GPATCH8: variants seen among roughly 807,000 people sequenced by gnomAD.
GPATCH8 encodes the protein G patch domain-containing protein 8.
A neutral mutation model predicts 118.3 loss-of-function variants in GPATCH8; 18 were observed. The observed-to-expected ratio is 0.15, with a 90% CI of 0.11 to 0.23. The LOEUF (loss-of-function observed/expected upper bound fraction) is 0.23, where lower values mean the gene tolerates loss of function less well. Ranked by LOEUF, GPATCH8 falls within the 10% of genes least tolerant of loss-of-function variation. The probability of loss-of-function intolerance (pLI) is 1.00; values close to 1 mark genes in which losing one functional copy is unlikely to be tolerated. For synonymous variants in GPATCH8, 659 were observed against 684.7 expected, an observed-to-expected ratio of 0.96 and a Z score of 0.59; for missense variants, 1,631 against 1,873.8, an observed-to-expected ratio of 0.87 and a Z score of 2.39.
chr17:44,399,875 T>C lies in GPATCH8; in HGVS notation c.2202A>G (p.Glu734=), dbSNP rs775813278. Reference sequence around the variant, plus strand: ...GTGCGGGACTGCCACTCCCAGGGGGTTCTGGTTTGGGTCCTCGTTCAGAAT... The same window carrying C: ...GTGCGGGACTGCCACTCCCAGGGGGCTCTGGTTTGGGTCCTCGTTCAGAAT... ...PADSERGPKP[E]PPGSGSPAPP... Residue 734 remains glutamate (E), a synonymous_variant, in exon 8 of 8, where the codon GAA becomes GAG. Coordinates refer to ENST00000591680, the MANE Select transcript of GPATCH8 (RefSeq NM_001002909.4). 2 of 1,613,566 alleles carry C rather than the reference T, an allele frequency of 1.2e-6. No individual in the cohort carries two copies. Among genetic ancestry groups the C allele is most frequent in the East Asian group, 4.5e-5 (2 of 44,842 alleles).
At chr17:44,448,360 C>T (rs529868586) in intron 3 of GPATCH8, among the ~76,000 whole-genome samples, 1 of 151,646 alleles carries the variant, frequency 6.6e-6, no homozygotes, top group Non-Finnish European at 1.5e-5. Context: ...GAGTTCCAGA[C>T]CAATCTAGGC....
rs144043741 is a variant in GPATCH8, at chr17:44,403,828, G to T, written c.623+2093C>A. On this transcript the variant is annotated intron_variant, in intron 7 of 7. Transcript: ENST00000591680. The stretch of plus-strand genomic sequence containing the variant: ...CCTGCCTCAGCCTCCTTAGTAGCTG[G>T]GATTACAGGCGTACGCCACCATGCC... 3.9e-5 allele frequency among the ~76,000 whole-genome samples: 6 copies of T among 152,174 alleles called. No homozygotes were observed. In the East Asian group the frequency reaches 1.2e-3, roughly 29 times the overall value.
chr17:44,409,383 A>G (rs749435230), intron 6 of GPATCH8: 6 of 152,268 alleles, frequency 3.9e-5, no homozygotes, highest in Non-Finnish European at 8.8e-5. Flanking sequence ...TAAGGTTCAT[A>G]TTTTCCTTTA....
At position 44,398,882 on chromosome 17, in the gene GPATCH8, G is replaced by C. The variant is rs1409919564; in HGVS notation, c.3195C>G (p.Ser1065=). 1.2e-6 allele frequency: 2 copies of C among 1,613,914 alleles called. No homozygotes were observed. The highest frequency in any genetic ancestry group is 8.5e-7 in the Non-Finnish European group (1 of 1,179,912). The part of the protein sequence containing the change: ...GDDSKATGPP[S]QNSNIGTGRG... ...TTCCTGTGCCAATGTTGCTGTTCTG[G>C]GAAGGTGGACCTGTTGCTTTACTGT... The change falls in exon 8 of 8, where the codon TCC becomes TCG. Residue 1065 remains serine, a synonymous_variant. Coordinates refer to ENST00000591680, the MANE Select transcript of GPATCH8 (RefSeq NM_001002909.4).
At chr17:44,436,244 G>A (rs1428930210) in intron 4 of GPATCH8, among the ~76,000 whole-genome samples, 5 of 151,808 alleles carry the variant, frequency 3.3e-5, no homozygotes, top group East Asian at 1.9e-4. Flanking sequence ...TATAACCCTC[G>A]GCAAATCACT....
chr17:44,424,113 T>C (rs1003611879), intron 6 of GPATCH8, among the ~76,000 whole-genome samples: 1 of 152,100 alleles, frequency 6.6e-6, no homozygotes, highest in Non-Finnish European at 1.5e-5. Context: ...AAACATTATA[T>C]AAGATTTACA....
intron 1 of GPATCH8, among the ~76,000 whole-genome samples, chr17:44,502,188 T>G (rs989467780): frequency 6.6e-6 from 1 of 152,184 alleles, no homozygotes; most frequent in Non-Finnish European, 1.5e-5. Context: ...ACCTATTTAT[T>G]TACCAATCCT....
At chr17:44,495,774 C>T (rs1969623300) in intron 1 of GPATCH8, among the ~76,000 whole-genome samples, 1 of 152,178 alleles carries the variant, frequency 6.6e-6, no homozygotes, top group Admixed American at 6.5e-5. Context: ...TTTAAAGATA[C>T]CTCATAATTT....
In GPATCH8 at chr17:44,436,489, T is replaced by A; in HGVS notation, c.250A>T (p.Met84Leu). The change falls in exon 4 of 8, where the codon ATG becomes TTG. Residue 84 changes from methionine to leucine, a missense_variant. This residue lies in a region of GPATCH8 where 81 missense variants were observed against 227.6 expected (regional missense o/e 0.36). Transcript: ENST00000591680. ...VKYDVMGMGR[M>L]EMELDYAEDA... Reference sequence around the variant, plus strand: ...TGAGATCAATTTACCTCCATTTCCATGCGACCCATGCCCATGACATCATAC... The same window carrying A: ...TGAGATCAATTTACCTCCATTTCCAAGCGACCCATGCCCATGACATCATAC... The A allele has an allele frequency of 7.0e-7, 1 of 1,424,546 alleles. No homozygotes were observed. Among genetic ancestry groups the A allele is most frequent in the Non-Finnish European group, 9.9e-7 (1 of 1,006,738 alleles). 88.2% of individuals were successfully genotyped at this position (1,424,546 alleles called of 1,614,324 possible). A position where few individuals can be genotyped will look rare whatever the true frequency, so the allele number is the denominator to read the frequency against.
intron 3 of GPATCH8, among the ~76,000 whole-genome samples, chr17:44,442,975 C>T (rs1223628150): frequency 6.6e-6 from 1 of 152,122 alleles, no homozygotes; most frequent in Non-Finnish European, 1.5e-5. Flanking sequence ...GTCCTAGCCA[C>T]TGAAAATATT....
chr17:44,404,016 A>C (rs1190746560), intron 7 of GPATCH8, among the ~76,000 whole-genome samples: 1 of 151,676 alleles, frequency 6.6e-6, no homozygotes, highest in African/African-American at 2.4e-5. Context: ...CTTGCTATCT[A>C]AACTATTGCT....
Position 44,398,956 on chromosome 17 carries a change from A to G in GPATCH8, c.3121T>C (p.Ser1041Pro). 6.2e-7 allele frequency: 1 copy of G among 1,613,990 alleles called. No homozygotes were observed. Among genetic ancestry groups the G allele is most frequent in the Non-Finnish European group, 8.5e-7 (1 of 1,179,984 alleles). The change falls in exon 8 of 8, where the codon TCA (serine) becomes CCA (proline). Residue 1041 changes from serine to proline, a missense_variant. By Grantham distance (74) the Ser-to-Pro change is moderately conservative. This residue lies in a region of GPATCH8 where 922 missense variants were observed against 879.7 expected (regional missense o/e 1.05). Coordinates refer to ENST00000591680, the MANE Select transcript of GPATCH8 (RefSeq NM_001002909.4). ...YRSQSPHYFR[S>P]GRGEGPGKKD... Reference sequence around the variant, plus strand: ...TTCCCAGGACCTTCTCCCCGGCCTGATCGGAAATAGTGGGGGGACTGGGAG... The same window carrying G: ...TTCCCAGGACCTTCTCCCCGGCCTGGTCGGAAATAGTGGGGGGACTGGGAG...
chr17:44,397,131 C>T lies in GPATCH8; in HGVS notation c.*437G>A, dbSNP rs760944572. On this transcript the variant is annotated 3_prime_UTR_variant, in exon 8 of 8. Transcript: ENST00000591680. Reference sequence around the variant, plus strand: ...TAGAACAGCTTGGCCTTCCCTGTGGCGCTGAGAAGGCAAGACCAGATGGGC... The same window carrying T: ...TAGAACAGCTTGGCCTTCCCTGTGGTGCTGAGAAGGCAAGACCAGATGGGC... 1.8e-5 allele frequency: 8 copies of T among 455,984 alleles called. No individual in the cohort carries two copies. Among genetic ancestry groups the T allele is most frequent in the Non-Finnish European group, 3.1e-5 (7 of 228,312 alleles). 28.2% of individuals were successfully genotyped at this position (455,984 alleles called of 1,614,324 possible). A position where few individuals can be genotyped will look rare whatever the true frequency, so the allele number is the denominator to read the frequency against.
rs1441382498 is a variant in GPATCH8, at chr17:44,399,114, T to C, written c.2963A>G (p.Tyr988Cys). ...GGTGCTGCGGCTGCGGTCCCGGCTA[T>C]AGCTCCGGCTCCGTTGCCAGCTGTG... ...TAHSWQRSRS[Y>C]SRDRSRSTRS... is the part of the protein sequence containing the mutation. The change falls in exon 8 of 8, where the codon TAT (tyrosine) becomes TGT (cysteine). Residue 988 changes from tyrosine (Y) to cysteine (C), a missense_variant. By Grantham distance (194) the Tyr-to-Cys change is radical. Coordinates refer to ENST00000591680, the MANE Select transcript of GPATCH8 (RefSeq NM_001002909.4). 2 of 1,612,308 alleles carry C rather than the reference T, an allele frequency of 1.2e-6. No homozygotes were observed. Among genetic ancestry groups the C allele is most frequent in the African/African-American group, 2.7e-5 (2 of 74,694 alleles).
intron 1 of GPATCH8, among the ~76,000 whole-genome samples, chr17:44,497,933 T>A (rs1969789640): frequency 6.6e-6 from 1 of 151,170 alleles, no homozygotes; most frequent in Admixed American, 6.6e-5. Context: ...AGCCAGACAC[T>A]GTCTCCAAAA....
rs763274652 is a variant in GPATCH8, at chr17:44,398,943, T to C, written c.3134A>G (p.Glu1045Gly). ...SPHYFRSGRG[E>G]GPGKKDDGRG... ...GCCATCATCTTTCTTCCCAGGACCTTCTCCCCGGCCTGATCGGAAATAGTG... is the reference window on the plus strand; with the variant it reads ...GCCATCATCTTTCTTCCCAGGACCTCCTCCCCGGCCTGATCGGAAATAGTG... Residue 1045 changes from glutamate to glycine, a missense_variant, in exon 8 of 8, where the codon GAA (glutamate) becomes GGA (glycine). By Grantham distance (98) the Glu-to-Gly change is moderately conservative. Coordinates refer to ENST00000591680, the MANE Select transcript of GPATCH8 (RefSeq NM_001002909.4). 3 of 1,614,080 alleles carry C rather than the reference T, an allele frequency of 1.9e-6. No homozygotes were observed. The highest frequency in any genetic ancestry group is 2.5e-6 in the Non-Finnish European group (3 of 1,180,004).
chr17:44,405,249 C>T lies in GPATCH8; in HGVS notation c.623+672G>A, dbSNP rs577692880. 2.0e-5 allele frequency among the ~76,000 whole-genome samples: 3 copies of T among 148,822 alleles called. No individual in the cohort carries two copies. The South Asian group carries it at 6.4e-4, about 32-fold the overall frequency. On this transcript the variant is annotated intron_variant, in intron 7 of 7. Coordinates refer to ENST00000591680, the MANE Select transcript of GPATCH8 (RefSeq NM_001002909.4). The stretch of plus-strand genomic sequence containing the variant: ...TTGAGACGGAGTTTCACTCTTGTTG[C>T]CCAGGATGGAGTGTAATGGCGCAAT...
chr17:44,478,797 TG>T (rs1243754993), intron 1 of GPATCH8, among the ~76,000 whole-genome samples: 7 of 152,294 alleles, frequency 4.6e-5, no homozygotes, highest in African/African-American at 1.4e-4. Flanking sequence ...TAGAGTGCAG[TG>T]GAACCATCAT....
Position 44,399,046 on chromosome 17 carries a change from C to T in GPATCH8, c.3031G>A (p.Gly1011Ser), listed in dbSNP as rs2048896861. Residue 1011 changes from glycine (G) to serine (S), a missense_variant, in exon 8 of 8, where the codon GGT becomes AGT. Transcript: ENST00000591680. ...QRSGSRKRSW[G>S]HESPEERHSG... is the part of the protein sequence containing the mutation. The stretch of plus-strand genomic sequence containing the variant: ...TGCCTCTCCTCAGGGCTCTCGTGAC[C>T]CCATGATCTCTTCCTGGAGCCTGAT... The T allele has an allele frequency of 6.2e-7, 1 of 1,613,922 alleles. No individual in the cohort carries two copies. The highest frequency in any genetic ancestry group is 2.2e-5 in the East Asian group (1 of 44,894).
Sources: allele counts gnomAD v4.1 joint callset (sites outside exome capture counted in the v4.1 genomes callset), GRCh38; gene constraint gnomAD v4.1.1; regional missense constraint gnomAD v4.1.1; transcripts MANE v1.5; gene names NCBI Gene and HGNC (gene_info 2026-07-23, HGNC 2026-07-21).